UNC80: variants seen among roughly 807,000 people sequenced by gnomAD.
The protein encoded by UNC80 is unc-80 subunit of NALCN channel complex, also known as protein unc-80 homolog.
In UNC80, 164 loss-of-function variants were observed where a neutral mutation model predicts 384.6. The observed-to-expected ratio is 0.43, with a 90% CI of 0.38 to 0.49. The LOEUF is 0.49. UNC80 is among the 20% of genes least tolerant of loss of function. The probability of loss-of-function intolerance (pLI) is 0.00; values close to 1 mark genes in which losing one functional copy is unlikely to be tolerated. For synonymous variants in UNC80, 1,486 were observed against 1,527.8 expected, an observed-to-expected ratio of 0.97 and a Z score of 0.64; for missense variants, 3,330 against 4,143.0, an observed-to-expected ratio of 0.80 and a Z score of 5.39.
intron 64 of UNC80, among the ~76,000 whole-genome samples, chr2:209,994,932 T>C (rs1343991909): frequency 6.6e-6 from 1 of 152,220 alleles, no homozygotes; most frequent in Admixed American, 6.5e-5. Flanking sequence ...TTTTCTTGTT[T>C]TGGTATATTT....
In UNC80 at chr2:209,943,427, A is replaced by C; in HGVS notation, c.6963A>C (p.Glu2321Asp). The change falls in exon 45 of 65, where the codon GAA (glutamate) becomes GAC (aspartate). Residue 2321 changes from glutamate to aspartate, a missense_variant. Around this residue, in one of 8 missense-constraint regions of UNC80, gnomAD observed 1,049 missense variants for 1,488.6 expected, o/e 0.70. Coordinates refer to ENST00000673920, the MANE Select transcript of UNC80 (RefSeq NM_001371986.1). ...ESNPQLRQAIEFACHQFYILH... is the reference protein window; with the variant it reads ...ESNPQLRQAIDFACHQFYILH... ...ATCCCCAGCTGCGTCAAGCCATCGA[A>C]TTTGCCTGTCACCAGTTCTATATTC... 1.3e-6 allele frequency: 2 copies of C among 1,552,072 alleles called. No individual in the cohort carries two copies. The highest frequency in any genetic ancestry group is 8.7e-7 in the Non-Finnish European group (1 of 1,147,056).
At chr2:209,843,028 T>TTTC (rs2081882157) in intron 21 of UNC80, among the ~76,000 whole-genome samples, 2 of 152,184 alleles carry the variant, frequency 1.3e-5, no homozygotes, top group African/African-American at 4.8e-5. Context: ...GCAAGCTCCA[T>TTTC]ATGTTATCCA....
At chr2:209,884,158 C>T (rs1195062908) in intron 25 of UNC80, among the ~76,000 whole-genome samples, 2 of 152,120 alleles carry the variant, frequency 1.3e-5, no homozygotes, top group Admixed American at 1.3e-4. Flanking sequence ...ATATTATCTT[C>T]TAAACTTGAG....
At chr2:209,886,424 A>T (rs1032447193) in intron 25 of UNC80, among the ~76,000 whole-genome samples, 8 of 151,980 alleles carry the variant, frequency 5.3e-5, no homozygotes, top group Admixed American at 2.0e-4. Context: ...CAAAAAAATT[A>T]AAAAATTAGA....
rs184855227 is a variant in UNC80, at chr2:209,788,685, G to A, written c.725-847G>A. Among the ~76,000 whole-genome samples the A allele has an allele frequency of 4.7e-5, 7 of 150,040 alleles. No individual in the cohort carries two copies. In the East Asian group the frequency reaches 1.4e-3, roughly 29 times the overall value. On this transcript the variant is annotated intron_variant, in intron 5 of 64. Coordinates refer to ENST00000673920, the MANE Select transcript of UNC80 (RefSeq NM_001371986.1). ...AGTTATAAAGAAATCACATATTTTT[G>A]TGCAGCTGTATTATGTATTTGTTTT... is the stretch of plus-strand genomic sequence containing the variant.
At chr2:209,928,202 G>A (rs2090581996) in intron 36 of UNC80, among the ~76,000 whole-genome samples, 1 of 152,084 alleles carries the variant, frequency 6.6e-6, no homozygotes, top group African/African-American at 2.4e-5. Context: ...CAGGCGTGGT[G>A]GCACGTGCCT....
chr2:209,994,232 G>A lies in UNC80; in HGVS notation c.9676G>A (p.Val3226Ile). 1 of 1,551,138 alleles carries A rather than the reference G, an allele frequency of 6.4e-7. No individual in the cohort carries two copies. Among genetic ancestry groups the A allele is most frequent in the Non-Finnish European group, 8.7e-7 (1 of 1,146,806 alleles). The change falls in exon 64 of 65, where the codon GTT (valine) becomes ATT (isoleucine). Residue 3226 changes from valine to isoleucine, a missense_variant. By Grantham distance (29) the Val-to-Ile change is conservative. Transcript: ENST00000673920. ...PVLTSSPAIVVADLHSVSPKQ... is the reference protein window; with the variant it reads ...PVLTSSPAIVIADLHSVSPKQ... ...CCTCACATCTTCTCCCGCCATAGTT[G>A]TTGCGGATCTCCACAGCGTGTCTCC...
chr2:209,772,798 T>C (rs1173731109), intron 1 of UNC80, among the ~76,000 whole-genome samples: 1 of 152,240 alleles, frequency 6.6e-6, no homozygotes, highest in Non-Finnish European at 1.5e-5. Context: ...TTATTATGAC[T>C]GTACACGTAA....
chr2:209,982,345 T>C, intron 60 of UNC80, 28 bp downstream of exon 60: 1 of 1,501,934 alleles, frequency 6.7e-7, no homozygotes, highest in African/African-American at 1.4e-5. Context: ...TACTGTACTC[T>C]GCATTTGGGG....
At chr2:209,930,924 C>A in intron 37 of UNC80, 44 bp from the exon 38 acceptor site, 1 of 1,356,746 alleles carries the variant, frequency 7.4e-7, no homozygotes, top group African/African-American at 1.5e-5. Context: ...TTTTCTACAG[C>A]ATGGCAGCTG....
intron 36 of UNC80, 54 bp downstream of exon 36, chr2:209,927,040 T>C (rs2090487603): frequency 1.3e-6 from 2 of 1,534,524 alleles, no homozygotes; most frequent in South Asian, 1.2e-5. Flanking sequence ...GTTTATCTGA[T>C]AGAAGACAGT....
intron 29 of UNC80, among the ~76,000 whole-genome samples, chr2:209,909,401 CA>C (rs2088647801): frequency 6.6e-6 from 1 of 152,140 alleles, no homozygotes; most frequent in Non-Finnish European, 1.5e-5. Context: ...AAATGAGAAC[CA>C]AAGCTGCTGT....
intron 14 of UNC80, among the ~76,000 whole-genome samples, chr2:209,828,901 T>A (rs1478679520): frequency 6.6e-6 from 1 of 152,230 alleles, no homozygotes; most frequent in Non-Finnish European, 1.5e-5. Context: ...CTATCACTTA[T>A]CTAAATTTCA....
chr2:209,843,319 T>C (rs2081907683), intron 21 of UNC80, among the ~76,000 whole-genome samples: 1 of 152,240 alleles, frequency 6.6e-6, no homozygotes, highest in Non-Finnish European at 1.5e-5. Flanking sequence ...TCTGTTTTCA[T>C]ATCACATAAT....
rs1332173071 is a variant in UNC80 at position 209,817,796 on chromosome 2, C to G, written c.1553-16C>G. On this transcript the variant is annotated splice_polypyrimidine_tract_variant and intron_variant, in intron 10 of 64. Transcript: ENST00000673920. ...GATTTTAAAACCCTCTTGTGGGGTG[C>G]TCTTATTCATCCCAGGGAAATTGAC... is the stretch of plus-strand genomic sequence containing the variant. 7 of 1,551,284 alleles carry G rather than the reference C, an allele frequency of 4.5e-6. No homozygotes were observed. The highest frequency in any genetic ancestry group is 5.2e-6 in the Non-Finnish European group (6 of 1,146,846).
rs185896514 is a variant in UNC80, at chr2:209,883,575, C to T, written c.4110+2481C>T. Among the ~76,000 whole-genome samples, 155 of 151,938 alleles carry T rather than the reference C, an allele frequency of 1.0e-3. 1 individual carries two copies. Among genetic ancestry groups the T allele is most frequent in the Non-Finnish European group, 3.7e-4 (25 of 67,936 alleles). On this transcript the variant is annotated intron_variant, in intron 25 of 64. Coordinates refer to ENST00000673920, the MANE Select transcript of UNC80 (RefSeq NM_001371986.1). ...CCTCCCAAGTAGCTGGGACTACAGACGCCCACCACCATGCCCAGCTAATTT... is the reference window on the plus strand; with the variant it reads ...CCTCCCAAGTAGCTGGGACTACAGATGCCCACCACCATGCCCAGCTAATTT...
Position 209,895,712 on chromosome 2 carries a change from T to A in UNC80, c.4481-601T>A, listed in dbSNP as rs2086738459. ...GAGGGGAAAGCTTTGTTGTGTAGTC[T>A]ACCAAGTAGGGAATTCTTGAGAGAT... On this transcript the variant is annotated intron_variant, in intron 27 of 64. Coordinates refer to ENST00000673920, the MANE Select transcript of UNC80 (RefSeq NM_001371986.1). Among the ~76,000 whole-genome samples, 3 of 152,252 alleles carry A rather than the reference T, an allele frequency of 2.0e-5. No homozygotes were observed. The South Asian group carries it at 6.2e-4, about 31-fold the overall frequency.
rs1413347217 is a variant in UNC80, at chr2:209,820,651, A to T, written c.2303A>T (p.Tyr768Phe). The T allele has an allele frequency of 1.3e-6, 2 of 1,545,332 alleles. No individual in the cohort carries two copies. Among genetic ancestry groups the T allele is most frequent in the South Asian group, 1.2e-5 (1 of 82,924 alleles). The change falls in exon 13 of 65, where the codon TAT becomes TTT. Residue 768 changes from tyrosine (Y) to phenylalanine (F), a missense_variant. By Grantham distance (22) the Tyr-to-Phe change is conservative. Coordinates refer to ENST00000673920, the MANE Select transcript of UNC80 (RefSeq NM_001371986.1). ...GGTGGAGGAGGTGGAGGCGGCCCTT[A>T]TGAGAAGAATGATAAGAACCAAGAG... ...GGGGGGGGGP[Y>F]EKNDKNQEKD...
At chr2:209,956,658 C>G (rs773829687) in intron 48 of UNC80, among the ~76,000 whole-genome samples, 11 of 152,004 alleles carry the variant, frequency 7.2e-5, no homozygotes, top group Non-Finnish European at 1.3e-4. Flanking sequence ...TATACATGTG[C>G]AGCGCACCAG....
Sources: gnomAD v4.1 joint callset for allele counts (sites outside exome capture counted in the v4.1 genomes callset) on GRCh38, gnomAD v4.1.1 for gene constraint, gnomAD v4.1.1 regional missense constraint, MANE v1.5 for transcripts, NCBI Gene and HGNC (gene_info 2026-07-23, HGNC 2026-07-21) for gene names.